The following KLHL12 variants were observed in gnomAD, a reference collection of about 807,000 sequenced individuals.
KLHL12 encodes the protein kelch-like protein 12.
In KLHL12, 17 loss-of-function variants were observed where a neutral mutation model predicts 60.8. That is an observed-to-expected ratio of 0.28 (90% confidence interval 0.19 to 0.42). The LOEUF (loss-of-function observed/expected upper bound fraction) is 0.42, where lower values mean the gene tolerates loss of function less well. Ranked by LOEUF, KLHL12 falls within the 10% of genes least tolerant of loss-of-function variation. The pLI is 1.00. For missense variants in KLHL12, 468 were observed against 722.3 expected (o/e 0.65, Z 4.04); for synonymous variants, 220 against 250.9 (o/e 0.88, Z 1.16).
chr1:202,897,982 A>G (rs79732518), intron 6 of KLHL12, among the ~76,000 whole-genome samples: 1,696 of 152,304 alleles, frequency 0.011, 26 homozygotes, highest in African/African-American at 0.038. Flanking sequence ...TTTTAAAGGA[A>G]AAGTCTTTTT....
At chr1:202,927,364 A>T (rs1260834492), upstream of KLHL12, 1 of 743,188 alleles carries the variant, frequency 1.3e-6, no homozygotes, top group Non-Finnish European at 1.6e-6. Context: ...GGGCTTCTGT[A>T]CGCTGCTAGG....
At chr1:202,892,892 G>T (rs1659721132) in intron 11 of KLHL12, among the ~76,000 whole-genome samples, 1 of 152,074 alleles carries the variant, frequency 6.6e-6, no homozygotes, top group Non-Finnish European at 1.5e-5. Context: ...GGCTGCCACT[G>T]GAGGCCAGGC....
At chr1:202,912,205 C>G (rs1169447441) in intron 4 of KLHL12, 2 of 1,042,752 alleles carry the variant, frequency 1.9e-6, no homozygotes, top group East Asian at 4.7e-5. Flanking sequence ...TTTGGAAAAA[C>G]GGAAGTGATT....
At chr1:202,908,599 T>TC (rs1427279792) in intron 6 of KLHL12, among the ~76,000 whole-genome samples, 1 of 152,156 alleles carries the variant, frequency 6.6e-6, no homozygotes, top group Non-Finnish European at 1.5e-5. Flanking sequence ...CTCCTTTTCT[T>TC]CCTCTCTTCA....
At chr1:202,924,865 G>T in intron 2 of KLHL12, 103 bp downstream of exon 2, 1 of 1,381,374 alleles carries the variant, frequency 7.2e-7, no homozygotes, top group Non-Finnish European at 9.8e-7. Flanking sequence ...ACATCACACT[G>T]TAAAAATTCA....
intron 6 of KLHL12, among the ~76,000 whole-genome samples, chr1:202,898,970 C>CA (rs1365212516): frequency 6.6e-6 from 1 of 150,902 alleles, no homozygotes; most frequent in Non-Finnish European, 1.5e-5. Flanking sequence ...TTTAGAGACA[C>CA]ACGTGGAAGT....
intron 6 of KLHL12, among the ~76,000 whole-genome samples, chr1:202,903,198 A>G (rs1213913512): frequency 6.7e-6 from 1 of 150,072 alleles, no homozygotes; most frequent in Non-Finnish European, 1.5e-5. Flanking sequence ...ACTTTGAGAC[A>G]TAAGGTGACT....
At chr1:202,896,284 TCAAG>T (rs1171916235) in intron 7 of KLHL12, among the ~76,000 whole-genome samples, 3 of 152,104 alleles carry the variant, frequency 2.0e-5, no homozygotes, top group Non-Finnish European at 2.9e-5. Flanking sequence ...ACTCCTGGGC[TCAAG>T]CAATCTTCTG....
chr1:202,904,032 C>G (rs1660109233), intron 6 of KLHL12, among the ~76,000 whole-genome samples: 1 of 150,950 alleles, frequency 6.6e-6, no homozygotes, highest in African/African-American at 2.4e-5. Context: ...ATCTATCTAT[C>G]TATGAGATGG....
rs113158028 is a variant in KLHL12, at chr1:202,918,133, A to C, written c.567+38T>G. 6 of 1,480,080 alleles carry C rather than the reference A, an allele frequency of 4.1e-6. No homozygotes were observed. In the African/African-American group the frequency reaches 5.6e-5, roughly 14 times the overall value. 91.7% of individuals were successfully genotyped at this position (1,480,080 alleles called of 1,614,324 possible). A position where few individuals can be genotyped will look rare whatever the true frequency, so the allele number is the denominator to read the frequency against. On this transcript the variant is annotated intron_variant, in intron 4 of 11. Coordinates refer to ENST00000367261, the MANE Select transcript of KLHL12 (RefSeq NM_021633.4). ...CTATTTGCAAGTTTTGTAATTGCCC[A>C]ATCTTGAAGAAACCATAACATCAAG...
rs1466842447 is a variant in KLHL12, at chr1:202,909,645, T to G, written c.718-521A>C. ...TTTGCCTCCCAACTCACTCTGTACCTTTTTCCACTCTGCTCTCTGGCTCAG... is the reference window on the plus strand; with the variant it reads ...TTTGCCTCCCAACTCACTCTGTACCGTTTTCCACTCTGCTCTCTGGCTCAG... On this transcript the variant is annotated intron_variant, in intron 5 of 11. Transcript: ENST00000367261. The surrounding 1 kb of genome is among the most constrained non-coding windows in gnomAD (Gnocchi z 4.1). 1.3e-5 allele frequency among the ~76,000 whole-genome samples: 2 copies of G among 152,158 alleles called. No homozygotes were observed. Among genetic ancestry groups the G allele is most frequent in the Admixed American group, 6.6e-5 (1 of 15,266 alleles).
At chr1:202,897,068 G>T in intron 6 of KLHL12, 108 bp from the exon 7 acceptor site, 3 of 845,990 alleles carry the variant, frequency 3.5e-6, no homozygotes, top group Non-Finnish European at 6.1e-6. Context: ...TGTTTTATGT[G>T]GCTGAGGGAT....
chr1:202,917,835 T>C (rs1220302398), intron 4 of KLHL12, among the ~76,000 whole-genome samples: 1 of 152,238 alleles, frequency 6.6e-6, no homozygotes, highest in Non-Finnish European at 1.5e-5. Context: ...AGTTAAGTGC[T>C]ACATAGTAGA....
Position 202,909,280 on chromosome 1 carries a change from G to C in KLHL12, c.718-156C>G. The C allele has an allele frequency of 4.2e-6, 2 of 481,582 alleles. No individual in the cohort carries two copies. The highest frequency in any genetic ancestry group is 3.9e-5 in the Admixed American group (1 of 25,806). The allele number at this position is 481,582 out of a possible 1,614,324, so 29.8% of individuals were successfully genotyped here. On this transcript the variant is annotated intron_variant, in intron 5 of 11. Coordinates refer to ENST00000367261, the MANE Select transcript of KLHL12 (RefSeq NM_021633.4). The surrounding 1 kb of genome is among the most constrained non-coding windows in gnomAD (Gnocchi z 4.1). ...TATTGCTGGTAGTAACCATGCTCTC[G>C]GTTTCCAGAAATGATTTTTAAAATT... is the stretch of plus-strand genomic sequence containing the variant.
At position 202,893,364 on chromosome 1, in the gene KLHL12, G is replaced by C; in HGVS notation, c.1455C>G (p.Ala485=). 6.2e-7 allele frequency: 1 copy of C among 1,613,976 alleles called. No homozygotes were observed. Among genetic ancestry groups the C allele is most frequent in the Non-Finnish European group, 8.5e-7 (1 of 1,179,924 alleles). Residue 485 remains alanine, a synonymous_variant, in exon 11 of 12, where the codon GCC becomes GCG. Coordinates refer to ENST00000367261, the MANE Select transcript of KLHL12 (RefSeq NM_021633.4). This position sits in a 1 kb window ranked among gnomAD's most constrained non-coding sequence, Gnocchi z 4.1. ...TGTATGCTTCAACGGAAGAAAGGTG[G>C]GCTGTACCATCAAATCCCCCCACCA... The part of the protein sequence containing the change: ...IYVVGGFDGT[A]HLSSVEAYNI...
At chr1:202,911,445 T>C (rs28504294) in intron 4 of KLHL12, among the ~76,000 whole-genome samples, 1 of 105,950 alleles carries the variant, frequency 9.4e-6, no homozygotes, top group Admixed American at 9.6e-5. Context: ...CACACACATA[T>C]ATATATATGT....
At chr1:202,899,643 T>C (rs940702807) in intron 6 of KLHL12, among the ~76,000 whole-genome samples, 2 of 139,606 alleles carry the variant, frequency 1.4e-5, no homozygotes, top group African/African-American at 5.1e-5. Context: ...CTGTCTAACA[T>C]GGCAAAACCC....
intron 2 of KLHL12, among the ~76,000 whole-genome samples, chr1:202,922,490 C>CT (rs769175837): frequency 2.1e-3 from 293 of 140,704 alleles, no homozygotes; most frequent in Middle Eastern, 3.8e-3. Flanking sequence ...AGATCCAAGA[C>CT]TTTTTTTTTT....
upstream of KLHL12, among the ~76,000 whole-genome samples, chr1:202,928,118 C>CA (rs1030569723): frequency 1.9e-4 from 28 of 150,894 alleles, no homozygotes; most frequent in Non-Finnish European, 3.4e-4. Flanking sequence ...ACTAAAAATA[C>CA]AAAAAAATTG....
Sources: gnomAD v4.1 joint callset for allele counts (sites outside exome capture counted in the v4.1 genomes callset) on GRCh38, gnomAD v4.1.1 for gene constraint, Gnocchi (gnomAD v3.1) non-coding constraint, MANE v1.5 for transcripts, NCBI Gene and HGNC (gene_info 2026-07-23, HGNC 2026-07-21) for gene names.